ZNF804B: variants seen among roughly 807,000 people sequenced by gnomAD.
ZNF804B encodes the protein zinc finger protein 804B.
A neutral mutation model predicts 101.4 loss-of-function variants in ZNF804B; 80 were observed. That is an observed-to-expected ratio of 0.79 (90% confidence interval 0.66 to 0.95). ZNF804B has a LOEUF of 0.95. Among genes scored for constraint, ZNF804B ranks in the 40% least tolerant of loss-of-function variants. ZNF804B has a pLI of 0.00. For missense variants in ZNF804B, 1,673 were observed against 1,561.9 expected (o/e 1.07, Z -1.20); for synonymous variants, 622 against 558.8 (o/e 1.11, Z -1.59).
chr7:89,089,230 C>A (rs1789848881), intron 1 of ZNF804B, among the ~76,000 whole-genome samples: 1 of 151,856 alleles, frequency 6.6e-6, no homozygotes, highest in Admixed American at 6.6e-5. Flanking sequence ...ATTGCTAATT[C>A]TTGAACAAGG....
At chr7:88,789,039 TA>T (rs1432215458) in intron 1 of ZNF804B, among the ~76,000 whole-genome samples, 5 of 152,152 alleles carry the variant, frequency 3.3e-5, no homozygotes, top group African/African-American at 9.6e-5. Flanking sequence ...TTTCTGCCTA[TA>T]TAGAAACATA....
rs141285490 is a variant in ZNF804B, at chr7:89,206,278, C to T, written c.109-11877C>T. On this transcript the variant is annotated intron_variant, in intron 1 of 3. Transcript: ENST00000333190. The stretch of plus-strand genomic sequence containing the variant: ...TGGAGAGGTTTTTCCCATGGCTTGG[C>T]GATTAACATTTTGCATCTCATTACT... Among the ~76,000 whole-genome samples the T allele has an allele frequency of 5.2e-3, 789 of 152,218 alleles. 7 individuals carry two copies. The highest frequency in any genetic ancestry group is 0.018 in the African/African-American group (763 of 41,534).
At chr7:88,776,200 T>A (rs555592068) in intron 1 of ZNF804B, among the ~76,000 whole-genome samples, 1 of 152,348 alleles carries the variant, frequency 6.6e-6, no homozygotes, top group African/African-American at 2.4e-5. Flanking sequence ...TGAAAGGAGC[T>A]GATGATTACT....
chr7:89,157,386 C>T (rs17308372), intron 1 of ZNF804B, among the ~76,000 whole-genome samples: 30,791 of 152,052 alleles, frequency 0.2, 3,353 homozygotes, highest in Non-Finnish European at 0.23. Flanking sequence ...ATTGTTGTAG[C>T]TATCATTTTT....
At chr7:88,984,954 G>A (rs867024030) in intron 1 of ZNF804B, among the ~76,000 whole-genome samples, 1 of 151,856 alleles carries the variant, frequency 6.6e-6, no homozygotes, top group Non-Finnish European at 1.5e-5. Flanking sequence ...CTTGACACTA[G>A]AAGTGGGTGA....
rs143248886 is a variant in ZNF804B, at chr7:89,031,551, G to A, written c.109-186604G>A. Among the ~76,000 whole-genome samples the A allele has an allele frequency of 2.3e-3, 345 of 152,040 alleles. 2 individuals are homozygous for A. The highest frequency in any genetic ancestry group is 7.9e-3 in the African/African-American group (330 of 41,512). ...GATAATGAAAAACTTTTTCAGTGGA[G>A]TAGTGTAAATGGCAGCAAAAACATA... On this transcript the variant is annotated intron_variant, in intron 1 of 3. Coordinates refer to ENST00000333190, the MANE Select transcript of ZNF804B (RefSeq NM_181646.5).
intron 1 of ZNF804B, among the ~76,000 whole-genome samples, chr7:89,206,961 C>T (rs543006646): frequency 6.6e-6 from 1 of 152,306 alleles, no homozygotes; most frequent in African/African-American, 2.4e-5. Flanking sequence ...CACCATTGCT[C>T]CAGTTCCCAA....
intron 1 of ZNF804B, among the ~76,000 whole-genome samples, chr7:88,768,244 G>A (rs1211673370): frequency 2.0e-5 from 3 of 152,146 alleles, no homozygotes; most frequent in Admixed American, 6.5e-5. Flanking sequence ...TCAATGTTTA[G>A]CTTATGATTT....
intron 1 of ZNF804B, among the ~76,000 whole-genome samples, chr7:88,976,927 T>C (rs1433937661): frequency 2.0e-5 from 3 of 151,512 alleles, no homozygotes; most frequent in Admixed American, 6.6e-5. Context: ...CAGGCTTTGA[T>C]GGTTTTTATC....
At chr7:88,903,125 G>T (rs1450787382) in intron 1 of ZNF804B, among the ~76,000 whole-genome samples, 1 of 148,116 alleles carries the variant, frequency 6.8e-6, no homozygotes, top group Non-Finnish European at 1.5e-5. Context: ...ATAGTCTCCA[G>T]TGTTAATTGA....
chr7:88,772,093 A>G (rs1790077262), intron 1 of ZNF804B, among the ~76,000 whole-genome samples: 1 of 152,148 alleles, frequency 6.6e-6, no homozygotes. Context: ...ATTTAAATGA[A>G]TTTAAATAGA....
At chr7:89,077,361 C>T (rs1789630601) in intron 1 of ZNF804B, among the ~76,000 whole-genome samples, 1 of 151,162 alleles carries the variant, frequency 6.6e-6, no homozygotes, top group Non-Finnish European at 1.5e-5. Flanking sequence ...ATTTTTTTTT[C>T]AAATGTAGAT....
At chr7:89,252,141 A>G (rs1485782337) in intron 2 of ZNF804B, among the ~76,000 whole-genome samples, 1 of 152,172 alleles carries the variant, frequency 6.6e-6, no homozygotes, top group Non-Finnish European at 1.5e-5. Flanking sequence ...GAGAGAAAGT[A>G]TTCGCAAACT....
chr7:89,196,025 A>G (rs1411613400), intron 1 of ZNF804B, among the ~76,000 whole-genome samples: 1 of 152,110 alleles, frequency 6.6e-6, no homozygotes, highest in African/African-American at 2.4e-5. Context: ...ACTACCATCG[A>G]CATTCTTCAC....
At chr7:88,818,686 C>G (rs567571344) in intron 1 of ZNF804B, among the ~76,000 whole-genome samples, 1 of 152,280 alleles carries the variant, frequency 6.6e-6, no homozygotes, top group Admixed American at 6.5e-5. Context: ...TAAACTTAGA[C>G]TTGTAGTCAG....
chr7:89,161,958 AATG>A (rs551573635), intron 1 of ZNF804B, among the ~76,000 whole-genome samples: 75 of 145,158 alleles, frequency 5.2e-4, no homozygotes, highest in Non-Finnish European at 9.4e-4. Flanking sequence ...GCATGTTGAT[AATG>A]ATCTACACAG....
At chr7:89,111,881 A>C (rs1021512043) in intron 1 of ZNF804B, among the ~76,000 whole-genome samples, 2 of 152,128 alleles carry the variant, frequency 1.3e-5, no homozygotes, top group African/African-American at 4.8e-5. Flanking sequence ...AGGTGGGCAG[A>C]TCACTTGAAG....
At position 89,135,414 on chromosome 7, in the gene ZNF804B, A is replaced by G. The variant is rs948564975; in HGVS notation, c.109-82741A>G. ...AAGTCTGCTCCATGACTCCTCCTTC[A>G]CATCTACTGATAGTCAGATTTTCTT... is the stretch of plus-strand genomic sequence containing the variant. On this transcript the variant is annotated intron_variant, in intron 1 of 3. Transcript: ENST00000333190. Among the ~76,000 whole-genome samples the G allele has an allele frequency of 4.6e-5, 7 of 152,098 alleles. No homozygotes were observed. In the East Asian group the frequency reaches 1.4e-3, roughly 30 times the overall value.
At chr7:89,023,442 T>A (rs1293018098) in intron 1 of ZNF804B, among the ~76,000 whole-genome samples, 1 of 152,214 alleles carries the variant, frequency 6.6e-6, no homozygotes, top group Non-Finnish European at 1.5e-5. Context: ...AATACTTTGC[T>A]CTGTTGGTGG....
Sources: gnomAD v4.1 joint callset for allele counts (sites outside exome capture counted in the v4.1 genomes callset) on GRCh38, gnomAD v4.1.1 for gene constraint, MANE v1.5 for transcripts, NCBI Gene and HGNC (gene_info 2026-07-23, HGNC 2026-07-21) for gene names.